FGGY: variants seen among roughly 807,000 people sequenced by gnomAD.
The protein encoded by FGGY is FGGY carbohydrate kinase domain-containing protein.
A neutral mutation model predicts 71.3 loss-of-function variants in FGGY; 72 were observed. The observed-to-expected ratio is 1.01, with a 90% CI of 0.84 to 1.23. The LOEUF (loss-of-function observed/expected upper bound fraction) is 1.23, where lower values mean the gene tolerates loss of function less well. Ranked by LOEUF, FGGY falls within the 50% of genes most tolerant of loss-of-function variation. The pLI, the probability that FGGY is intolerant of heterozygous loss-of-function variation, is 0.00. For synonymous variants in FGGY, 251 were observed against 250.3 expected (o/e 1.00, Z -0.02); for missense variants, 668 against 682.3 (o/e 0.98, Z 0.23).
At chr1:59,370,147 A>G (rs886115363) in intron 4 of FGGY, among the ~76,000 whole-genome samples, 1 of 151,788 alleles carries the variant, frequency 6.6e-6, no homozygotes, top group African/African-American at 2.4e-5. Context: ...ACCAAAGGCA[A>G]AGAAGTTAAA....
chr1:59,521,990 C>A (rs1012806265), intron 7 of FGGY, among the ~76,000 whole-genome samples: 24 of 152,168 alleles, frequency 1.6e-4, no homozygotes, highest in African/African-American at 5.3e-4. Context: ...AATAAAAACA[C>A]CTGCTATTCG....
chr1:59,730,013 G>T (rs1283505756), intron 14 of FGGY, among the ~76,000 whole-genome samples: 1 of 152,124 alleles, frequency 6.6e-6, no homozygotes, highest in Non-Finnish European at 1.5e-5. Flanking sequence ...GATCATTCTT[G>T]ACTCTTTGGA....
intron 6 of FGGY, among the ~76,000 whole-genome samples, chr1:59,470,314 A>T (rs1340244034): frequency 6.6e-6 from 1 of 152,180 alleles, no homozygotes; most frequent in East Asian, 1.9e-4. Context: ...CTGGTGTGAG[A>T]TGGTATCTCA....
intron 8 of FGGY, among the ~76,000 whole-genome samples, chr1:59,570,538 A>C (rs1347421444): frequency 6.6e-6 from 1 of 152,170 alleles, no homozygotes; most frequent in Non-Finnish European, 1.5e-5. Context: ...ACCTGGTAGA[A>C]TCTGCCAACA....
chr1:59,368,348 A>C (rs1056146977), intron 4 of FGGY, among the ~76,000 whole-genome samples: 2 of 152,196 alleles, frequency 1.3e-5, no homozygotes, highest in Non-Finnish European at 2.9e-5. Flanking sequence ...ACATTTCCAA[A>C]AGGCCCAAAA....
At chr1:59,684,382 A>C (rs1267613919) in intron 14 of FGGY, among the ~76,000 whole-genome samples, 1 of 152,058 alleles carries the variant, frequency 6.6e-6, no homozygotes, top group East Asian at 1.9e-4. Context: ...AGTGACTTCC[A>C]CTGTCTTAAG....
intron 4 of FGGY, among the ~76,000 whole-genome samples, chr1:59,350,054 G>A (rs576491483): frequency 2.0e-5 from 3 of 152,124 alleles, no homozygotes; most frequent in Non-Finnish European, 4.4e-5. Context: ...ATGCTATGAT[G>A]GGAGACACAG....
intron 6 of FGGY, among the ~76,000 whole-genome samples, chr1:59,467,563 C>T (rs958669487): frequency 2.6e-5 from 4 of 151,610 alleles, no homozygotes; most frequent in African/African-American, 7.3e-5. Context: ...TTTGATCTTA[C>T]ATTTCCCTGT....
intron 1 of FGGY, among the ~76,000 whole-genome samples, chr1:59,311,786 T>C (rs1200582536): frequency 5.3e-5 from 8 of 152,196 alleles, no homozygotes; most frequent in African/African-American, 1.9e-4. Flanking sequence ...TCAAGTGGTA[T>C]TTCTGGTTCT....
intron 14 of FGGY, among the ~76,000 whole-genome samples, chr1:59,748,744 T>C (rs2098220970): frequency 6.6e-6 from 1 of 152,176 alleles, no homozygotes; most frequent in African/African-American, 2.4e-5. Flanking sequence ...TTGGAATCCC[T>C]GCTAAAAGCT....
At chr1:59,356,838 G>C (rs1422539396) in intron 4 of FGGY, among the ~76,000 whole-genome samples, 1 of 152,124 alleles carries the variant, frequency 6.6e-6, no homozygotes, top group Non-Finnish European at 1.5e-5. Flanking sequence ...AGCTTATTTT[G>C]TATGCAAAGT....
intron 9 of FGGY, among the ~76,000 whole-genome samples, chr1:59,618,171 T>C (rs2096775088): frequency 6.6e-6 from 1 of 152,142 alleles, no homozygotes; most frequent in South Asian, 2.1e-4. Flanking sequence ...CTGATCATTA[T>C]AATTTATTGT....
At chr1:59,411,186 A>G (rs906377292) in intron 5 of FGGY, among the ~76,000 whole-genome samples, 2 of 152,232 alleles carry the variant, frequency 1.3e-5, no homozygotes, top group Admixed American at 6.5e-5. Flanking sequence ...TTTCATGACC[A>G]TGACGTTTTT....
Position 59,710,677 on chromosome 1 carries a change from A to G in FGGY, c.1512+36544A>G, listed in dbSNP as rs138853139. On this transcript the variant is annotated intron_variant, in intron 14 of 15. Transcript: ENST00000303721. ...TCAAAAGAAGACATTTATGTGGCCT[A>G]CAAACATATGAAAAAAAGTTCATCA... 4.2e-3 allele frequency among the ~76,000 whole-genome samples: 645 copies of G among 152,352 alleles called. 11 individuals carry two copies. The highest frequency in any genetic ancestry group is 0.015 in the African/African-American group (617 of 41,584).
chr1:59,658,817 GTGAA>G (rs779157753), intron 11 of FGGY, among the ~76,000 whole-genome samples: 1 of 152,186 alleles, frequency 6.6e-6, no homozygotes, highest in Non-Finnish European at 1.5e-5. Context: ...AATTAAGGAA[GTGAA>G]TGACAGTAAG....
chr1:59,537,621 A>C (rs1468811329), intron 7 of FGGY, among the ~76,000 whole-genome samples: 2 of 152,196 alleles, frequency 1.3e-5, no homozygotes, highest in Non-Finnish European at 2.9e-5. Context: ...AGTAACCAAA[A>C]CAGCATGGTA....
In FGGY at chr1:59,421,974, T is replaced by C. The variant is rs967429894; in HGVS notation, c.555-34987T>C. Among the ~76,000 whole-genome samples the C allele has an allele frequency of 4.6e-5, 7 of 152,202 alleles. No individual in the cohort carries two copies. In the South Asian group the frequency reaches 1.4e-3, roughly 32 times the overall value. ...TCCCACCCTTACTTTGTTACTTTGA[T>C]TTGGAGTCAGCCCTTGGCTTTGAGA... On this transcript the variant is annotated intron_variant, in intron 5 of 15. Coordinates refer to ENST00000303721, the MANE Select transcript of FGGY (RefSeq NM_018291.5).
At chr1:59,456,923 T>A in intron 5 of FGGY, 38 bp from the exon 6 acceptor site, 1 of 1,464,640 alleles carries the variant, frequency 6.8e-7, no homozygotes, top group Non-Finnish European at 9.5e-7. Context: ...GCCTCACTCA[T>A]ATGGTCAGTT....
intron 9 of FGGY, among the ~76,000 whole-genome samples, chr1:59,616,230 C>T (rs1314240400): frequency 6.6e-6 from 1 of 152,146 alleles, no homozygotes; most frequent in African/African-American, 2.4e-5. Context: ...GTCTTGGAAC[C>T]AAGCCAAACA....
Sources: allele counts gnomAD v4.1 joint callset (sites outside exome capture counted in the v4.1 genomes callset), GRCh38; gene constraint gnomAD v4.1.1; transcripts MANE v1.5; gene names NCBI Gene and HGNC (gene_info 2026-07-23, HGNC 2026-07-21).